The following SLC44A5 variants were observed in gnomAD, a reference collection of about 807,000 sequenced individuals.
SLC44A5 encodes choline transporter-like protein 5.
In SLC44A5, 57 loss-of-function variants were observed where a neutral mutation model predicts 101.8. That is an observed-to-expected ratio of 0.56 (90% CI 0.45 to 0.70). The LOEUF (loss-of-function observed/expected upper bound fraction) is 0.70. Among genes scored for constraint, SLC44A5 ranks in the 30% least tolerant of loss-of-function variants. The probability of loss-of-function intolerance (pLI) is 0.00; values close to 1 mark genes in which losing one functional copy is unlikely to be tolerated. For synonymous variants in SLC44A5, 281 were observed against 290.9 expected (o/e 0.97, Z 0.35); for missense variants, 737 against 853.1 (o/e 0.86, Z 1.70).
chr1:75,507,367 T>C (rs1669319617), intron 2 of SLC44A5, among the ~76,000 whole-genome samples: 2 of 152,184 alleles, frequency 1.3e-5, no homozygotes, highest in Admixed American at 6.5e-5. Context: ...TTTGCATATG[T>C]TGAACTGACC....
At chr1:75,482,208 G>C (rs1261059770) in intron 2 of SLC44A5, among the ~76,000 whole-genome samples, 3 of 151,518 alleles carry the variant, frequency 2.0e-5, no homozygotes, top group Admixed American at 2.0e-4. Flanking sequence ...CTCATAGGTG[G>C]GAACTGAACA....
upstream of SLC44A5, among the ~76,000 whole-genome samples, chr1:75,612,937 A>T (rs1052112125): frequency 6.6e-6 from 1 of 152,210 alleles, no homozygotes; most frequent in African/African-American, 2.4e-5. Context: ...GGATTGTAAA[A>T]GATTCCATTG....
the SLC44A5 span, among the ~76,000 whole-genome samples, chr1:75,700,811 A>T: frequency 6.6e-6 from 1 of 152,234 alleles, no homozygotes; most frequent in Non-Finnish European, 1.5e-5. Context: ...GCAATAAAAA[A>T]TGATAAAGGG....
chr1:75,306,178 A>G (rs557925726), intron 4 of SLC44A5, among the ~76,000 whole-genome samples: 27 of 152,368 alleles, frequency 1.8e-4, no homozygotes, highest in Non-Finnish European at 2.8e-4. Flanking sequence ...CTTTTGCTAC[A>G]ATGGCTTAGT....
At chr1:75,384,848 A>G (rs898234109) in intron 3 of SLC44A5, among the ~76,000 whole-genome samples, 1 of 151,326 alleles carries the variant, frequency 6.6e-6, no homozygotes, top group Non-Finnish European at 1.5e-5. Context: ...AGAGATTATA[A>G]CAAACTATCT....
At chr1:75,304,036 T>C (rs1654719350) in intron 4 of SLC44A5, among the ~76,000 whole-genome samples, 1 of 152,160 alleles carries the variant, frequency 6.6e-6, no homozygotes, top group African/African-American at 2.4e-5. Context: ...TTGTATGGAA[T>C]GCTTACTATA....
Position 75,360,888 on chromosome 1 carries a change from G to A in SLC44A5, c.53-21258C>T, listed in dbSNP as rs537770753. ...ATAGGGATTGCACTGAATGTGTAGA[G>A]CACTTTGCATAGTATGAACATTTTA... is the stretch of plus-strand genomic sequence containing the variant. On this transcript the variant is annotated intron_variant, in intron 3 of 23. Transcript: ENST00000370859. Among the ~76,000 whole-genome samples the A allele has an allele frequency of 3.1e-3, 469 of 152,032 alleles. 3 individuals are homozygous for A. Among genetic ancestry groups the A allele is most frequent in the Non-Finnish European group, 5.6e-3 (380 of 67,938 alleles).
chr1:75,262,550 T>C (rs1311233526), intron 6 of SLC44A5, among the ~76,000 whole-genome samples: 1 of 152,186 alleles, frequency 6.6e-6, no homozygotes, highest in Non-Finnish European at 1.5e-5. Context: ...GAAAATGCCA[T>C]ATTTCCCAAA....
intron 13 of SLC44A5, 87 bp downstream of exon 13, chr1:75,227,639 G>A: frequency 9.3e-7 from 1 of 1,078,216 alleles, no homozygotes; most frequent in Non-Finnish European, 1.3e-6. Flanking sequence ...ACATTTAACA[G>A]GTTATACCAA....
At chr1:75,620,547 T>C in the SLC44A5 span, among the ~76,000 whole-genome samples, 31 of 152,280 alleles carry the variant, frequency 2.0e-4, 1 homozygote, top group Admixed American at 1.9e-3. Context: ...TGGTATCTCG[T>C]TGTGGTTTTG....
intron 2 of SLC44A5, among the ~76,000 whole-genome samples, chr1:75,518,033 G>A (rs1475472189): frequency 6.6e-6 from 1 of 152,154 alleles, no homozygotes; most frequent in Non-Finnish European, 1.5e-5. Context: ...ATAAATCTTA[G>A]GTCCTGATTC....
intron 2 of SLC44A5, among the ~76,000 whole-genome samples, chr1:75,479,017 C>G (rs536966754): frequency 1.3e-5 from 2 of 152,282 alleles, no homozygotes; most frequent in East Asian, 3.9e-4. Context: ...CTGTCCTCAG[C>G]AAATGTAAAA....
At chr1:75,296,857 A>G (rs1654006393) in intron 5 of SLC44A5, among the ~76,000 whole-genome samples, 1 of 152,116 alleles carries the variant, frequency 6.6e-6, no homozygotes, top group South Asian at 2.1e-4. Flanking sequence ...TTAATATAAT[A>G]AATTTTTATT....
chr1:75,692,436 C>T, the SLC44A5 span, among the ~76,000 whole-genome samples: 1 of 151,924 alleles, frequency 6.6e-6, no homozygotes, highest in Non-Finnish European at 1.5e-5. Context: ...ACCTTGTGAT[C>T]CGCCCGCCTC....
intron 3 of SLC44A5, among the ~76,000 whole-genome samples, chr1:75,363,648 AGTT>A (rs1361565656): frequency 1.3e-5 from 2 of 151,984 alleles, no homozygotes; most frequent in South Asian, 4.1e-4. Context: ...TTGTACCTGT[AGTT>A]GTTGTTAATA....
intron 2 of SLC44A5, among the ~76,000 whole-genome samples, chr1:75,411,920 A>T (rs1663305951): frequency 6.6e-6 from 1 of 152,162 alleles, no homozygotes; most frequent in South Asian, 2.1e-4. Flanking sequence ...GCCCATATCC[A>T]TAGATAACAA....
intron 1 of SLC44A5, among the ~76,000 whole-genome samples, chr1:75,561,396 T>C (rs1672511115): frequency 6.6e-6 from 1 of 152,160 alleles, no homozygotes; most frequent in African/African-American, 2.4e-5. Context: ...TGGCATACTT[T>C]ACATGCATTT....
chr1:75,206,718 A>G (rs368713258), intron 23 of SLC44A5: 2 of 1,568,254 alleles, frequency 1.3e-6, no homozygotes, highest in African/African-American at 2.7e-5. Flanking sequence ...CCAGATCTTC[A>G]CCTGTATATG....
chr1:75,658,533 G>A, the SLC44A5 span, among the ~76,000 whole-genome samples: 2 of 152,098 alleles, frequency 1.3e-5, no homozygotes, highest in Non-Finnish European at 2.9e-5. Flanking sequence ...CAACAAATGG[G>A]TCAATGAAGA....
Sources: gnomAD v4.1 joint callset for allele counts (sites outside exome capture counted in the v4.1 genomes callset) on GRCh38, gnomAD v4.1.1 for gene constraint, MANE v1.5 for transcripts, NCBI Gene and HGNC (gene_info 2026-07-23, HGNC 2026-07-21) for gene names.